RGS12: variants seen among roughly 807,000 people sequenced by gnomAD.
The protein encoded by RGS12 is regulator of G-protein signaling 12.
Under a neutral mutation model 120.1 loss-of-function variants are expected in RGS12, and 66 were observed. The ratio of observed to expected loss-of-function variants is 0.55; its 90% CI spans 0.45 to 0.67. RGS12 has a LOEUF of 0.67. Among genes scored for constraint, RGS12 ranks in the 30% least tolerant of loss-of-function variants. RGS12 has a pLI of 0.00. For synonymous variants in RGS12, 827 were observed against 804.7 expected (o/e 1.03, Z -0.47); for missense variants, 1,859 against 1,957.7 (o/e 0.95, Z 0.95).
Position 3,317,165 on chromosome 4 carries a change from C to T in RGS12, c.995C>T (p.Ala332Val), listed in dbSNP as rs61790549. The part of the protein sequence containing the change: ...DGSLAQEEEG[A>V]LRTSCHVFMV... The stretch of plus-strand genomic sequence containing the variant: ...AGCCTGGCCCAGGAGGAGGAGGGCG[C>T]CCTGCGGACTTCCTGCCACGTGTTC... The change falls in exon 2 of 18, where the codon GCC (alanine) becomes GTC (valine). Residue 332 changes from alanine to valine, a missense_variant. Coordinates refer to ENST00000336727, the MANE Select transcript of RGS12 (RefSeq NM_001394154.1). 6.2e-7 allele frequency: 1 copy of T among 1,614,078 alleles called. No individual in the cohort carries two copies. Among genetic ancestry groups the T allele is most frequent in the Non-Finnish European group, 8.5e-7 (1 of 1,180,032 alleles).
At chr4:3,432,675 G>C (rs1724431249) in intron 17 of RGS12, among the ~76,000 whole-genome samples, 1 of 152,226 alleles carries the variant, frequency 6.6e-6, no homozygotes, top group Admixed American at 6.5e-5. Context: ...GGGTGGTACC[G>C]GCCTTGGGAG....
At chr4:3,350,688 A>G (rs996058211) in intron 3 of RGS12, among the ~76,000 whole-genome samples, 10 of 151,206 alleles carry the variant, frequency 6.6e-5, no homozygotes, top group Admixed American at 1.3e-4. Flanking sequence ...TCTCAAAAAA[A>G]CAAAAAACAA....
intron 1 of RGS12, among the ~76,000 whole-genome samples, chr4:3,297,127 GTTTTTC>G (rs1207711280): frequency 2.6e-5 from 4 of 152,212 alleles, no homozygotes; most frequent in African/African-American, 7.2e-5. Flanking sequence ...TGTTCTTTCT[GTTTTTC>G]TTTTCTTTCT....
intron 1 of RGS12, among the ~76,000 whole-genome samples, chr4:3,307,115 T>C (rs899719760): frequency 6.6e-6 from 1 of 152,232 alleles, no homozygotes; most frequent in African/African-American, 2.4e-5. Context: ...ACCTCTTAAC[T>C]GCCTCCCCCC....
chr4:3,399,888 G>A (rs902345079), intron 4 of RGS12, among the ~76,000 whole-genome samples: 1 of 152,202 alleles, frequency 6.6e-6, no homozygotes, highest in Non-Finnish European at 1.5e-5. Flanking sequence ...TTTCCTCCAG[G>A]AGCCAGGCTA....
intron 17 of RGS12, among the ~76,000 whole-genome samples, chr4:3,435,479 A>G (rs921648594): frequency 1.3e-5 from 2 of 151,896 alleles, no homozygotes; most frequent in Non-Finnish European, 2.9e-5. Context: ...CAGGCCTGCA[A>G]AGCTGCTGAG....
chr4:3,327,308 G>A (rs1035299656), intron 2 of RGS12, among the ~76,000 whole-genome samples: 1 of 152,178 alleles, frequency 6.6e-6, no homozygotes, highest in Non-Finnish European at 1.5e-5. Context: ...CTGGATTAAA[G>A]ACTTAAACCT....
chr4:3,348,162 C>A (rs1714000919), intron 3 of RGS12, among the ~76,000 whole-genome samples: 2 of 151,992 alleles, frequency 1.3e-5, no homozygotes, highest in Admixed American at 1.3e-4. Context: ...TCAAAGATGC[C>A]AAAAGATTTA....
chr4:3,384,012 G>C (rs952276630), intron 3 of RGS12, among the ~76,000 whole-genome samples: 2 of 152,190 alleles, frequency 1.3e-5, no homozygotes, highest in African/African-American at 4.8e-5. Context: ...TCATGAGCGT[G>C]ACATGAAGTG....
At chr4:3,287,384 C>A in the RGS12 span, among the ~76,000 whole-genome samples, 30 of 152,346 alleles carry the variant, frequency 2.0e-4, no homozygotes, top group South Asian at 3.3e-3. Flanking sequence ...GACATCTTCT[C>A]CAAATTGGTA....
chr4:3,386,969 G>A (rs1410684778), intron 4 of RGS12, among the ~76,000 whole-genome samples: 1 of 152,156 alleles, frequency 6.6e-6, no homozygotes, highest in East Asian at 1.9e-4. Flanking sequence ...TGATTGAAAA[G>A]GAAGTAGGCA....
intron 2 of RGS12, among the ~76,000 whole-genome samples, chr4:3,326,441 T>A (rs1271419491): frequency 6.6e-6 from 1 of 152,006 alleles, no homozygotes; most frequent in Admixed American, 6.6e-5. Flanking sequence ...AGAGGTGGAG[T>A]CTCACAGTGT....
chr4:3,308,404 C>T (rs887079619), intron 1 of RGS12, among the ~76,000 whole-genome samples: 1 of 152,078 alleles, frequency 6.6e-6, no homozygotes, highest in East Asian at 1.9e-4. Context: ...TTGCTGCAGG[C>T]GGGCCGTGGC....
rs192046297 is a variant in RGS12, at chr4:3,321,703, G to A, written c.1881+3652G>A. ...GAGCAGCTCCGGCCTGGACAGCCAC[G>A]TCAGCTCCTCCCCCCAGTGGACTGC... On this transcript the variant is annotated intron_variant, in intron 2 of 17. Transcript: ENST00000336727. 3.9e-3 allele frequency among the ~76,000 whole-genome samples: 589 copies of A among 152,296 alleles called. 2 individuals carry two copies. Among genetic ancestry groups the A allele is most frequent in the African/African-American group, 0.013 (559 of 41,580 alleles).
intron 4 of RGS12, among the ~76,000 whole-genome samples, chr4:3,401,369 C>T (rs1720562509): frequency 6.6e-6 from 1 of 152,212 alleles, no homozygotes; most frequent in Non-Finnish European, 1.5e-5. Context: ...TGTAGTCTCT[C>T]ATTAGCTGTT....
rs552809047 is a variant in RGS12, at chr4:3,348,429, TCTC to T, written c.1998+5380_1998+5382del. On this transcript the variant is annotated intron_variant, in intron 3 of 17. Coordinates refer to ENST00000336727, the MANE Select transcript of RGS12 (RefSeq NM_001394154.1). ...AAAAACCTCCTGTGGTGTGATTGCT[TCTC>T]CTCATGGGAAGCCCGTTTGGTTTGC... 3.9e-5 allele frequency among the ~76,000 whole-genome samples: 6 copies of T among 152,310 alleles called. No individual in the cohort carries two copies. The East Asian group carries it at 9.6e-4, about 24-fold the overall frequency.
chr4:3,346,871 A>G (rs1019123091), intron 3 of RGS12, among the ~76,000 whole-genome samples: 2 of 152,202 alleles, frequency 1.3e-5, no homozygotes, highest in Admixed American at 6.5e-5. Flanking sequence ...TACCCGCTGT[A>G]AGTCTAGGAA....
intron 1 of RGS12, among the ~76,000 whole-genome samples, chr4:3,297,079 G>T (rs1723422868): frequency 6.6e-6 from 1 of 152,236 alleles, no homozygotes; most frequent in African/African-American, 2.4e-5. Context: ...GTCTTTTAAG[G>T]TCTGGACTTC....
intron 4 of RGS12, among the ~76,000 whole-genome samples, chr4:3,410,363 G>T (rs534904745): frequency 2.0e-5 from 3 of 152,206 alleles, no homozygotes; most frequent in Non-Finnish European, 4.4e-5. Context: ...CATCCAGCCT[G>T]CATGATCTTA....
Sources: gnomAD v4.1 joint callset for allele counts (sites outside exome capture counted in the v4.1 genomes callset) on GRCh38, gnomAD v4.1.1 for gene constraint, MANE v1.5 for transcripts, NCBI Gene and HGNC (gene_info 2026-07-23, HGNC 2026-07-21) for gene names.